The following FLNB variants were observed in gnomAD, a reference collection of about 807,000 sequenced individuals.
FLNB encodes filamin B.
A neutral mutation model predicts 250.6 loss-of-function variants in FLNB; 111 were observed. That is an observed-to-expected ratio of 0.44 (90% CI 0.38 to 0.52). The LOEUF (loss-of-function observed/expected upper bound fraction) is 0.52, where lower values mean the gene tolerates loss of function less well. FLNB is among the 20% of genes least tolerant of loss of function. The pLI is 0.00. For synonymous variants in FLNB, 1,302 were observed against 1,372.1 expected (o/e 0.95, Z 1.13); for missense variants, 2,869 against 3,447.8 (o/e 0.83, Z 4.20).
intron 25 of FLNB, chr3:58,132,294 C>T (rs2097308763): frequency 6.4e-6 from 3 of 465,822 alleles, no homozygotes; most frequent in South Asian, 4.5e-5. Flanking sequence ...GAGATTGGCA[C>T]CCTCACCTGC....
chr3:58,045,468 G>T (rs1407286107), intron 1 of FLNB, among the ~76,000 whole-genome samples: 5 of 151,614 alleles, frequency 3.3e-5, no homozygotes, highest in South Asian at 2.1e-4. Context: ...AGATCCTTTC[G>T]CATTTGTTTT....
At chr3:58,124,644 C>T (rs984144988) in intron 22 of FLNB, 139 bp downstream of exon 22, 77 of 930,280 alleles carry the variant, frequency 8.3e-5, no homozygotes, top group Non-Finnish European at 1.3e-4. Flanking sequence ...GAGTGGAAGT[C>T]AGCGTCCGCT....
chr3:58,125,065 G>A (rs1054269700), intron 22 of FLNB, among the ~76,000 whole-genome samples: 3 of 152,120 alleles, frequency 2.0e-5, no homozygotes, highest in African/African-American at 7.2e-5. Context: ...GGGGTGGAGT[G>A]GCTTATGTGA....
At chr3:58,056,841 G>A (rs1009579275) in intron 1 of FLNB, among the ~76,000 whole-genome samples, 2 of 152,104 alleles carry the variant, frequency 1.3e-5, no homozygotes, top group Admixed American at 6.5e-5. Context: ...TGCCTGCCTC[G>A]GCCTCCCAAA....
At chr3:58,009,156 C>G (rs935929120) in intron 1 of FLNB, among the ~76,000 whole-genome samples, 1 of 152,170 alleles carries the variant, frequency 6.6e-6, no homozygotes, top group Non-Finnish European at 1.5e-5. Flanking sequence ...TTCTCTACAC[C>G]TGGGGCGCCC....
Position 58,053,999 on chromosome 3 carries a change from G to T in FLNB, c.293-23047G>T, listed in dbSNP as rs187202190. 6.0e-4 allele frequency among the ~76,000 whole-genome samples: 91 copies of T among 152,300 alleles called. No homozygotes were observed. In the Middle Eastern group the frequency reaches 0.017, roughly 28 times the overall value. ...CCTAGAAGGCCCGTGGCAGGGTGGG[G>T]TTGGTGAACACTGGGGCTTAAGGGG... On this transcript the variant is annotated intron_variant, in intron 1 of 45. Coordinates refer to ENST00000295956, the MANE Select transcript of FLNB (RefSeq NM_001457.4).
At position 58,155,369 on chromosome 3, in the gene FLNB, A is replaced by G. The variant is rs115972273; in HGVS notation, c.6772+441A>G. ...TGTTTTAAAGCACATAAAATGAAAT[A>G]TGTCACATTATAAAAGAAATCATTG... On this transcript the variant is annotated intron_variant, in intron 40 of 45. Transcript: ENST00000295956. Among the ~76,000 whole-genome samples the G allele has an allele frequency of 3.8e-3, 580 of 152,378 alleles. 5 individuals are homozygous for G. Among genetic ancestry groups the G allele is most frequent in the African/African-American group, 0.013 (554 of 41,592 alleles).
At chr3:58,109,040 T>C (rs1447544566) in intron 13 of FLNB, 139 bp from the exon 14 acceptor site, 2 of 921,366 alleles carry the variant, frequency 2.2e-6, no homozygotes, top group Non-Finnish European at 3.5e-6. Context: ...GTTGTGAAAA[T>C]ATGGCACATT....
chr3:58,078,756 C>T lies in FLNB; in HGVS notation c.581C>T (p.Pro194Leu). Residue 194 changes from proline (P) to leucine (L), a missense_variant, in exon 3 of 46, where the codon CCT becomes CTT. Physicochemically the swap from Pro to Leu is moderately conservative, Grantham distance 98. Coordinates refer to ENST00000295956, the MANE Select transcript of FLNB (RefSeq NM_001457.4). ...PDWESWDPQK[P>L]VDNAREAMQQ... ...TGGGAATCCTGGGACCCGCAGAAGC[C>T]TGTGGATAATGCACGAGAAGCCATG... The T allele has an allele frequency of 6.2e-7, 1 of 1,613,976 alleles. No individual in the cohort carries two copies. The highest frequency in any genetic ancestry group is 8.5e-7 in the Non-Finnish European group (1 of 1,179,968).
intron 38 of FLNB, chr3:58,150,601 C>T (rs747208210): frequency 3.1e-6 from 1 of 321,790 alleles, no homozygotes; most frequent in Non-Finnish European, 6.0e-6. Flanking sequence ...GGCAGCCCAG[C>T]GGCATCCTTC....
intron 1 of FLNB, among the ~76,000 whole-genome samples, chr3:58,039,022 C>CTT (rs375425626): frequency 2.2e-5 from 3 of 138,072 alleles, no homozygotes; most frequent in African/African-American, 5.4e-5. Context: ...AAGTTAGTTC[C>CTT]TTTTTTTTTT....
chr3:58,138,242 T>A (rs1434429621), intron 28 of FLNB, 40 bp from the exon 29 acceptor site: 10 of 1,612,312 alleles, frequency 6.2e-6, no homozygotes, highest in Non-Finnish European at 7.6e-6. Context: ...CCAGGATGTG[T>A]GTCCATACTT....
At chr3:58,009,271 C>G (rs1458189369) in intron 1 of FLNB, among the ~76,000 whole-genome samples, 2 of 152,158 alleles carry the variant, frequency 1.3e-5, no homozygotes, top group Non-Finnish European at 2.9e-5. Context: ...CAGGTTGGTG[C>G]TCTCAGAGGC....
chr3:58,096,047 C>T (rs1030387901), intron 5 of FLNB, 94 bp from the exon 6 acceptor site: 38 of 957,732 alleles, frequency 4.0e-5, no homozygotes, highest in Middle Eastern at 2.2e-4. Context: ...TCAGTGTTTC[C>T]GACCTGGCAG....
chr3:58,159,381 C>T (rs1187493012), intron 41 of FLNB, among the ~76,000 whole-genome samples, 173 bp from the exon 42 acceptor site: 1 of 152,186 alleles, frequency 6.6e-6, no homozygotes, highest in African/African-American at 2.4e-5. Context: ...ATGCACGTCT[C>T]TGCTATCTTA....
intron 1 of FLNB, among the ~76,000 whole-genome samples, chr3:58,074,500 G>A (rs1178007090): frequency 1.3e-5 from 2 of 152,218 alleles, no homozygotes; most frequent in Non-Finnish European, 2.9e-5. Context: ...AAAGCAAGAG[G>A]CTGTGTGTGA....
At chr3:58,120,061 G>A (rs928557097) in intron 19 of FLNB, among the ~76,000 whole-genome samples, 1 of 152,126 alleles carries the variant, frequency 6.6e-6, no homozygotes, top group Admixed American at 6.5e-5. Flanking sequence ...CCCAGGACGG[G>A]GCCTCCTGTA....
chr3:58,169,442 T>G lies in FLNB; in HGVS notation c.7418-148T>G, dbSNP rs1342930481. On this transcript the variant is annotated intron_variant, in intron 44 of 45. Transcript: ENST00000295956. The surrounding 1 kb of genome is among the most constrained non-coding windows in gnomAD (Gnocchi z 4.8). Reference sequence around the variant, plus strand: ...GATCCTAGGGGTTTAGAAGACATTATGGGTGTGAGATACAGGTGTGGTGGC... The same window carrying G: ...GATCCTAGGGGTTTAGAAGACATTAGGGGTGTGAGATACAGGTGTGGTGGC... 1 of 711,412 alleles carries G rather than the reference T, an allele frequency of 1.4e-6. No homozygotes were observed. The allele number at this position is 711,412 out of a possible 1,614,324, so 44.1% of individuals were successfully genotyped here.
Position 58,148,731 on chromosome 3 carries a change from G to A in FLNB, c.5970G>A (p.Val1990=), listed in dbSNP as rs763233303. The change falls in exon 36 of 46, where the codon GTG becomes GTA. Residue 1990 remains valine, a synonymous_variant. Transcript: ENST00000295956. The part of the protein sequence containing the change: ...KNGNHVANSP[V]SIMVVQSEIG... ...GCAACCATGTGGCCAACAGCCCCGT[G>A]TCTATCATGGTGGTCCAGTCGGAGA... 19 of 1,613,980 alleles carry A rather than the reference G, an allele frequency of 1.2e-5. No homozygotes were observed. The South Asian group carries it at 2.1e-4, about 18-fold the overall frequency.
Sources: gnomAD v4.1 joint callset for allele counts (sites outside exome capture counted in the v4.1 genomes callset) on GRCh38, gnomAD v4.1.1 for gene constraint, Gnocchi (gnomAD v3.1) non-coding constraint, MANE v1.5 for transcripts, NCBI Gene and HGNC (gene_info 2026-07-23, HGNC 2026-07-21) for gene names.